DNER: variants seen among roughly 807,000 people sequenced by gnomAD.
DNER encodes the protein delta/notch like EGF repeat containing.
Under a neutral mutation model 78.2 loss-of-function variants are expected in DNER, and 33 were observed. The ratio of observed to expected loss-of-function variants is 0.42; its 90% confidence interval spans 0.32 to 0.56. DNER has a LOEUF of 0.56. Among genes scored for constraint, DNER ranks in the 20% least tolerant of loss-of-function variants. The pLI, the probability that DNER is intolerant of heterozygous loss-of-function variation, is 0.11. For missense variants in DNER, 918 were observed against 975.3 expected (o/e 0.94, Z 0.78); for synonymous variants, 417 against 384.8 (o/e 1.08, Z -0.98).
intron 1 of DNER, among the ~76,000 whole-genome samples, chr2:229,709,122 C>G (rs112496733): frequency 5.8e-4 from 88 of 152,274 alleles, no homozygotes; most frequent in African/African-American, 1.9e-3. Flanking sequence ...ACTGAATAAA[C>G]TAATATAATC....
chr2:229,536,601 G>C (rs1246439465), intron 5 of DNER, among the ~76,000 whole-genome samples: 1 of 152,176 alleles, frequency 6.6e-6, no homozygotes, highest in Non-Finnish European at 1.5e-5. Context: ...AAGCATTCCA[G>C]GGGGAGGAAG....
intron 5 of DNER, among the ~76,000 whole-genome samples, chr2:229,521,288 G>C (rs2154212581): frequency 6.6e-6 from 1 of 152,204 alleles, no homozygotes; most frequent in Admixed American, 6.5e-5. Context: ...CCATCAGTGG[G>C]AGGAAGACAG....
At chr2:229,405,986 A>G (rs1292115364) in intron 10 of DNER, among the ~76,000 whole-genome samples, 1 of 152,218 alleles carries the variant, frequency 6.6e-6, no homozygotes, top group Non-Finnish European at 1.5e-5. Context: ...CCATCTGCGA[A>G]TCATTTTTGG....
At chr2:229,576,328 CTTTTT>C (rs61419138) in intron 4 of DNER, among the ~76,000 whole-genome samples, 2 of 118,106 alleles carry the variant, frequency 1.7e-5, no homozygotes. Context: ...GTTTCTCTCT[CTTTTT>C]TTTTTTTTTT....
At chr2:229,475,948 G>C (rs1273765129) in intron 7 of DNER, among the ~76,000 whole-genome samples, 1 of 152,226 alleles carries the variant, frequency 6.6e-6, no homozygotes, top group Non-Finnish European at 1.5e-5. Context: ...GAACTGCAAA[G>C]TGCTCTATGT....
At chr2:229,609,656 AG>A (rs1485788372) in intron 1 of DNER, among the ~76,000 whole-genome samples, 1 of 152,196 alleles carries the variant, frequency 6.6e-6, no homozygotes, top group African/African-American at 2.4e-5. Context: ...ATACATGCAA[AG>A]CCTCTGTTCC....
At chr2:229,418,687 A>T (rs1480933684) in intron 8 of DNER, among the ~76,000 whole-genome samples, 2 of 152,094 alleles carry the variant, frequency 1.3e-5, no homozygotes, top group Admixed American at 6.6e-5. Context: ...TGGGATACCG[A>T]GGCAGGTTGA....
Position 229,591,939 on chromosome 2 carries a change from G to A in DNER, c.277-51C>T. The A allele has an allele frequency of 6.9e-7, 1 of 1,451,230 alleles. No homozygotes were observed. Among genetic ancestry groups the A allele is most frequent in the Non-Finnish European group, 9.0e-7 (1 of 1,105,894 alleles). 89.9% of individuals were successfully genotyped at this position (1,451,230 alleles called of 1,614,324 possible). On this transcript the variant is annotated intron_variant, in intron 1 of 12. Transcript: ENST00000341772. This position sits in a 1 kb window ranked among gnomAD's most constrained non-coding sequence, Gnocchi z 4.6. ...ATTATTCCCTCATAAGAAAAGTGGT[G>A]CCATCGCTGGGAAATTAGCTCTGTG... is the stretch of plus-strand genomic sequence containing the variant.
At chr2:229,431,863 C>T (rs1694015029) in intron 8 of DNER, among the ~76,000 whole-genome samples, 1 of 151,818 alleles carries the variant, frequency 6.6e-6, no homozygotes, top group South Asian at 2.1e-4. Context: ...AATGAATCTG[C>T]CAGGTTATAT....
intron 5 of DNER, among the ~76,000 whole-genome samples, chr2:229,518,862 C>T (rs889644354): frequency 6.6e-6 from 1 of 152,114 alleles, no homozygotes; most frequent in African/African-American, 2.4e-5. Context: ...AACTCTTACC[C>T]AAGAAAATTC....
intron 12 of DNER, 35 bp from the exon 13 acceptor site, chr2:229,358,686 A>C: frequency 6.4e-7 from 1 of 1,555,340 alleles, no homozygotes; most frequent in African/African-American, 1.4e-5. Flanking sequence ...GGTTAGATAA[A>C]TACTAGATCT....
intron 1 of DNER, among the ~76,000 whole-genome samples, chr2:229,654,053 G>T (rs1482482318): frequency 6.6e-6 from 1 of 152,068 alleles, no homozygotes; most frequent in African/African-American, 2.4e-5. Flanking sequence ...TGCCATGTTG[G>T]TGTGCTGCAC....
chr2:229,654,952 A>T lies in DNER; in HGVS notation c.276+59196T>A, dbSNP rs889780552. Among the ~76,000 whole-genome samples, 7 of 152,356 alleles carry T rather than the reference A, an allele frequency of 4.6e-5. No homozygotes were observed. In the South Asian group the frequency reaches 1.4e-3, roughly 32 times the overall value. On this transcript the variant is annotated intron_variant, in intron 1 of 12. Transcript: ENST00000341772. The stretch of plus-strand genomic sequence containing the variant: ...ACTCTACAAGAAAAAAACTACATAA[A>T]GAAATACCAGAAGCATCATTAAAAT...
chr2:229,367,102 C>T lies in DNER; in HGVS notation c.1873G>A (p.Gly625Arg), dbSNP rs148580590. The T allele has an allele frequency of 1.4e-4, 219 of 1,614,004 alleles. No homozygotes were observed. Among genetic ancestry groups the T allele is most frequent in the African/African-American group, 1.9e-4 (14 of 75,010 alleles). ...NCEIHLQWKS[G>R]HMAESLTNMP... ...TTGGTGAGGCTCTCCGCCATGTGCC[C>T]GGACTTCCATTGGAGGTCTGCAGGC... The change falls in exon 12 of 13, where the codon GGG (glycine) becomes AGG (arginine). Residue 625 changes from glycine to arginine, a missense_variant. By Grantham distance (125) the Gly-to-Arg change is moderately radical. Transcript: ENST00000341772.
At chr2:229,515,839 A>G (rs1695959976) in intron 5 of DNER, among the ~76,000 whole-genome samples, 1 of 151,956 alleles carries the variant, frequency 6.6e-6, no homozygotes, top group African/African-American at 2.4e-5. Flanking sequence ...ACAGGGTTTC[A>G]CCGTGTTAGC....
At chr2:229,537,946 C>T (rs992934392) in intron 5 of DNER, among the ~76,000 whole-genome samples, 1 of 152,116 alleles carries the variant, frequency 6.6e-6, no homozygotes, top group African/African-American at 2.4e-5. Context: ...ATGATACAAT[C>T]ATCCTTCTGT....
intron 8 of DNER, among the ~76,000 whole-genome samples, chr2:229,427,054 G>A (rs1325128481): frequency 6.6e-6 from 1 of 152,222 alleles, no homozygotes; most frequent in African/African-American, 2.4e-5. Flanking sequence ...ACCCAAATCA[G>A]TCAATATTTT....
At chr2:229,644,025 C>T (rs1698671015) in intron 1 of DNER, among the ~76,000 whole-genome samples, 1 of 152,152 alleles carries the variant, frequency 6.6e-6, no homozygotes, top group African/African-American at 2.4e-5. Context: ...TTGGCTTGCA[C>T]AGCTGTGACT....
intron 6 of DNER, among the ~76,000 whole-genome samples, chr2:229,495,600 C>T (rs1041070950): frequency 6.6e-6 from 1 of 152,220 alleles, no homozygotes; most frequent in Non-Finnish European, 1.5e-5. Context: ...TTGTTCTACT[C>T]AGGTCCTCAA....
Sources: allele counts gnomAD v4.1 joint callset (sites outside exome capture counted in the v4.1 genomes callset), GRCh38; gene constraint gnomAD v4.1.1; non-coding constraint Gnocchi (gnomAD v3.1); transcripts MANE v1.5; gene names NCBI Gene and HGNC (gene_info 2026-07-23, HGNC 2026-07-21).